LRCH2: variants seen among roughly 807,000 people sequenced by gnomAD.
The protein encoded by LRCH2 is leucine-rich repeat and calponin homology domain-containing protein 2.
Under a neutral mutation model 68.9 loss-of-function variants are expected in LRCH2, and 38 were observed. The observed-to-expected ratio is 0.55, with a 90% CI of 0.43 to 0.72. The LOEUF is 0.72. Among genes scored for constraint, LRCH2 ranks in the 30% least tolerant of loss-of-function variants. The pLI is 0.00. For synonymous variants in LRCH2, 191 were observed against 208.1 expected (o/e 0.92, Z 0.71); for missense variants, 528 against 572.9 (o/e 0.92, Z 0.80).
chrX:115,115,890 G>C (rs1186777172), intron 20 of LRCH2, among the ~76,000 whole-genome samples: 1 of 110,094 alleles, frequency 9.1e-6, no homozygotes, highest in Non-Finnish European at 1.9e-5. Context: ...TGAACACAGG[G>C]TTTCAATAGA....
At chrX:115,215,102 C>T (rs1204684356) in intron 1 of LRCH2, among the ~76,000 whole-genome samples, 1 of 111,971 alleles carries the variant, frequency 8.9e-6, no homozygotes, top group African/African-American at 3.2e-5. Context: ...AATACTATTG[C>T]TTTATCACAT....
intron 20 of LRCH2, among the ~76,000 whole-genome samples, chrX:115,116,694 T>TA (rs1367040725): frequency 9.0e-6 from 1 of 111,188 alleles, no homozygotes; most frequent in Non-Finnish European, 1.9e-5. Context: ...AATATTTTCT[T>TA]AAAAAAATCA....
At chrX:115,190,051 C>G (rs1556556764) in intron 1 of LRCH2, 1 of 1,156,340 alleles carries the variant, frequency 8.6e-7, no homozygotes, top group African/African-American at 1.8e-5. Context: ...CGGCCCACCC[C>G]ACAAGAGGGC....
At chrX:115,190,606 T>C (rs2072786801) in intron 1 of LRCH2, 2 of 202,411 alleles carry the variant, frequency 9.9e-6, no homozygotes, top group Non-Finnish European at 1.6e-5. Context: ...AGAAGGCTGC[T>C]ACGAGGAGTA....
intron 1 of LRCH2, among the ~76,000 whole-genome samples, chrX:115,193,286 G>A (rs1457638512): frequency 8.9e-6 from 1 of 112,006 alleles, no homozygotes; most frequent in Non-Finnish European, 1.9e-5. Context: ...ACATACCGAT[G>A]AATTGCAAAT....
chrX:115,170,056 G>A (rs144234344), intron 6 of LRCH2, among the ~76,000 whole-genome samples: 20 of 111,280 alleles, frequency 1.8e-4, no homozygotes, highest in African/African-American at 6.2e-4. Context: ...TAGTGTTTCC[G>A]TAATATAATG....
rs144374148 is a variant in LRCH2, at chrX:115,211,438, G to T, written c.349+22255C>A. Among the ~76,000 whole-genome samples the T allele has an allele frequency of 1.7e-3, 185 of 111,730 alleles. 2 individuals carry two copies. The highest frequency in any genetic ancestry group is 5.7e-3 in the African/African-American group (175 of 30,800). On this transcript the variant is annotated intron_variant, in intron 1 of 20. Coordinates refer to ENST00000317135, the MANE Select transcript of LRCH2 (RefSeq NM_020871.4). ...GAAGCCTCCCCAGCCACGTGGAACT[G>T]TAAGTCCAACAAATTTCTTTCTTTT...
intron 1 of LRCH2, 110 bp downstream of exon 1, chrX:115,233,583 G>A: frequency 1.2e-6 from 1 of 819,151 alleles, no homozygotes. Context: ...TAGTCTGGCG[G>A]TCCCCGCGCA....
chrX:115,145,921 G>A (rs1001919826), intron 14 of LRCH2, among the ~76,000 whole-genome samples: 1 of 112,094 alleles, frequency 8.9e-6, no homozygotes, highest in Non-Finnish European at 1.9e-5. Flanking sequence ...ATACAATCCA[G>A]CAATCCTACT....
intron 1 of LRCH2, among the ~76,000 whole-genome samples, chrX:115,210,849 A>T (rs2073002197): frequency 8.9e-6 from 1 of 111,787 alleles, no homozygotes; most frequent in African/African-American, 3.3e-5. Flanking sequence ...GTCAAAGGAG[A>T]TCATTCTGGA....
intron 1 of LRCH2, among the ~76,000 whole-genome samples, chrX:115,214,558 T>C (rs1353261274): frequency 9.0e-6 from 1 of 111,509 alleles, no homozygotes; most frequent in Non-Finnish European, 1.9e-5. Flanking sequence ...ATTTTAACCA[T>C]AAGTGCAGCA....
chrX:115,130,415 A>C (rs1211182914), intron 14 of LRCH2, among the ~76,000 whole-genome samples: 1 of 112,064 alleles, frequency 8.9e-6, no homozygotes, highest in Non-Finnish European at 1.9e-5. Context: ...CTTTATACAG[A>C]TCAAGTAACA....
chrX:115,148,493 A>G (rs1360828594), intron 14 of LRCH2, among the ~76,000 whole-genome samples: 10 of 111,914 alleles, frequency 8.9e-5, no homozygotes, highest in African/African-American at 3.2e-4. Flanking sequence ...ACAATAAAGG[A>G]GAGCAAATAA....
intron 14 of LRCH2, among the ~76,000 whole-genome samples, chrX:115,141,038 C>T (rs1235929578): frequency 9.3e-6 from 1 of 107,778 alleles, no homozygotes; most frequent in East Asian, 2.9e-4. Flanking sequence ...CGAGACCATC[C>T]TGGCTAACAC....
At chrX:115,222,510 A>T (rs1210947229) in intron 1 of LRCH2, among the ~76,000 whole-genome samples, 4 of 112,213 alleles carry the variant, frequency 3.6e-5, no homozygotes, top group Non-Finnish European at 5.6e-5. Context: ...TAATGAATCC[A>T]TTTAAAAGAC....
chrX:115,120,096 G>C (rs1195061304), intron 20 of LRCH2, among the ~76,000 whole-genome samples: 2 of 102,943 alleles, frequency 1.9e-5, no homozygotes, highest in African/African-American at 7.2e-5. Flanking sequence ...TTACCATTCA[G>C]GACATAGGCA....
chrX:115,149,470 A>G (rs2072414974), intron 14 of LRCH2, among the ~76,000 whole-genome samples: 1 of 112,041 alleles, frequency 8.9e-6, no homozygotes, highest in Non-Finnish European at 1.9e-5. Context: ...GAACAGTTAA[A>G]TGCTAATTGT....
chrX:115,190,611 G>A (rs1223420282), intron 1 of LRCH2: 1 of 210,896 alleles, frequency 4.7e-6, no homozygotes, highest in Non-Finnish European at 7.6e-6. Context: ...GCTGCTACGA[G>A]GAGTACAGAG....
chrX:115,142,752 A>T (rs1481116268), intron 14 of LRCH2, among the ~76,000 whole-genome samples: 1 of 111,801 alleles, frequency 8.9e-6, no homozygotes, highest in Non-Finnish European at 1.9e-5. Flanking sequence ...TAACATAATG[A>T]TTCATCTTAA....
Sources: allele counts gnomAD v4.1 joint callset (sites outside exome capture counted in the v4.1 genomes callset), GRCh38; gene constraint gnomAD v4.1.1; transcripts MANE v1.5; gene names NCBI Gene and HGNC (gene_info 2026-07-23, HGNC 2026-07-21).